SPDYE5: variants seen among roughly 807,000 people sequenced by gnomAD.
SPDYE5 encodes the protein speedy/RINGO cell cycle regulator family member E5.
A neutral mutation model predicts 48.5 loss-of-function variants in SPDYE5; 15 were observed. The observed-to-expected ratio is 0.31, with a 90% CI of 0.21 to 0.48. SPDYE5 has a LOEUF of 0.48. SPDYE5 is among the 20% of genes least tolerant of loss of function. The pLI, the probability that SPDYE5 is intolerant of heterozygous loss-of-function variation, is 0.99. For missense variants in SPDYE5, 331 were observed against 549.1 expected, an observed-to-expected ratio of 0.60 and a Z score of 3.97; for synonymous variants, 116 against 200.7, an observed-to-expected ratio of 0.58 and a Z score of 3.57.
intron 8 of SPDYE5, among the ~76,000 whole-genome samples, chr7:75,502,221 C>T (rs1793185824): frequency 6.8e-6 from 1 of 146,306 alleles, no homozygotes. Flanking sequence ...CCTGATCCTG[C>T]CACTGCACTC....
intron 4 of SPDYE5, among the ~76,000 whole-genome samples, chr7:75,497,142 C>T (rs2116608003): frequency 6.6e-6 from 1 of 152,270 alleles, no homozygotes. Flanking sequence ...TGCAGTGGCT[C>T]CTGCCTGAGA....
At position 75,501,635 on chromosome 7, in the gene SPDYE5, T is replaced by G; in HGVS notation, c.1029T>G (p.Arg343=). The G allele has an allele frequency of 6.2e-7, 1 of 1,613,712 alleles. No individual in the cohort carries two copies. Among genetic ancestry groups the G allele is most frequent in the Non-Finnish European group, 8.5e-7 (1 of 1,180,006 alleles). Residue 343 remains arginine, a synonymous_variant, in exon 7 of 9, where the codon CGT becomes CGG. Coordinates refer to ENST00000625065, the MANE Select transcript of SPDYE5 (RefSeq NM_001306141.4). ...GTAAGCGTCGGTTCCAGTTAGGCCG[T>G]TCCATGAACCTGAGGGCCAGGAAGA... is the stretch of plus-strand genomic sequence containing the variant. The part of the protein sequence containing the change: ...LLRKRRFQLG[R]SMNLRARKNR...
At chr7:75,497,166 G>T (rs1243040414) in intron 4 of SPDYE5, among the ~76,000 whole-genome samples, 1 of 152,008 alleles carries the variant, frequency 6.6e-6, no homozygotes, top group African/African-American at 2.4e-5. Flanking sequence ...CAGCATGTTG[G>T]GAGGCTGAGG....
intron 5 of SPDYE5, among the ~76,000 whole-genome samples, chr7:75,499,026 C>A (rs1374624667): frequency 1.1e-4 from 16 of 147,736 alleles, no homozygotes; most frequent in Admixed American, 2.8e-4. Flanking sequence ...GAGCATCACC[C>A]AAAACCCTTC....
rs371956988 is a variant in SPDYE5, at chr7:75,501,483, C to T, written c.877C>T (p.Arg293Cys). 1.5e-4 allele frequency: 218 copies of T among 1,494,558 alleles called. No individual in the cohort carries two copies. The highest frequency in any genetic ancestry group is 1.5e-4 in the Non-Finnish European group (172 of 1,114,096). The allele number at this position is 1,494,558 out of a possible 1,614,324, so 92.6% of individuals were successfully genotyped here. The change falls in exon 7 of 9, where the codon CGT (arginine) becomes TGT (cysteine). Residue 293 changes from arginine to cysteine, a missense_variant. Around this residue, in one of 8 missense-constraint regions of SPDYE5, gnomAD observed 70 missense variants for 87.6 expected, o/e 0.80. Transcript: ENST00000625065. ...LLRKRWFQLG[R>C]SMNPRARKKR... ...CCGTAAGCGTTGGTTCCAGTTAGGC[C>T]GTTCCATGAACCCGAGGGCCAGGAA...
Position 75,494,058 on chromosome 7 carries a change from C to T in SPDYE5, c.11C>T (p.Thr4Met), listed in dbSNP as rs1429116669. The change falls in exon 2 of 9, where the codon ACG becomes ATG. Residue 4 changes from threonine to methionine, a missense_variant. By Grantham distance (81) the Thr-to-Met change is moderately conservative (BLOSUM62 -1). Coordinates refer to ENST00000625065, the MANE Select transcript of SPDYE5 (RefSeq NM_001306141.4). MDRTETRFRKRGQI... is the reference protein window; with the variant it reads MDRMETRFRKRGQI... ...GATCAGAAGAAGGCCATGGACAGAA[C>T]GGAGACTAGGTTCCGTAAGAGGGGA... is the stretch of plus-strand genomic sequence containing the variant. 33 of 1,532,044 alleles carry T rather than the reference C, an allele frequency of 2.2e-5. No individual in the cohort carries two copies. The Middle Eastern group carries it at 6.9e-4, about 32-fold the overall frequency. The allele number at this position is 1,532,044 out of a possible 1,614,324, so 94.9% of individuals were successfully genotyped here. A position where few individuals can be genotyped will look rare whatever the true frequency, so the allele number is the denominator to read the frequency against.
In SPDYE5 at chr7:75,502,916, A is replaced by G; in HGVS notation, c.*129A>G. ...GCAGACACCAGGAAGGAGGAGAGGA[A>G]CCATTTGTGCAGATCATCTAGAAGA... On this transcript the variant is annotated 3_prime_UTR_variant, in exon 9 of 9. Coordinates refer to ENST00000625065, the MANE Select transcript of SPDYE5 (RefSeq NM_001306141.4). 4 of 903,586 alleles carry G rather than the reference A, an allele frequency of 4.4e-6. No individual in the cohort carries two copies. Among genetic ancestry groups the G allele is most frequent in the Non-Finnish European group, 4.7e-6 (3 of 636,806 alleles). The allele number at this position is 903,586 out of a possible 1,614,324, so 56.0% of individuals were successfully genotyped here.
chr7:75,502,785 C>T lies in SPDYE5; in HGVS notation c.*46-48C>T, dbSNP rs1425232860. ...CATGGGACGTGAATAACCTTCCTGT[C>T]TAGAGAGCTGCCTCCTTGAAGTGTG... On this transcript the variant is annotated intron_variant, in intron 8 of 8. Transcript: ENST00000625065. 1.8e-5 allele frequency: 18 copies of T among 1,003,720 alleles called. No homozygotes were observed. In the African/African-American group the frequency reaches 2.5e-4, roughly 14 times the overall value. The allele number at this position is 1,003,720 out of a possible 1,614,324, so 62.2% of individuals were successfully genotyped here.
chr7:75,501,823 A>T, intron 7 of SPDYE5, 55 bp from the exon 8 acceptor site: 2 of 1,611,828 alleles, frequency 1.2e-6, no homozygotes, highest in South Asian at 2.2e-5. Context: ...GGATGAGGGG[A>T]GAGAGGGGTA....
At chr7:75,498,313 G>C (rs1223467715) in intron 5 of SPDYE5, among the ~76,000 whole-genome samples, 2 of 151,766 alleles carry the variant, frequency 1.3e-5, no homozygotes, top group Non-Finnish European at 2.9e-5. Flanking sequence ...TAGTAGAAAC[G>C]GGGTTTTGCC....
intron 2 of SPDYE5, among the ~76,000 whole-genome samples, 170 bp downstream of exon 2, chr7:75,494,377 C>A (rs1412892258): frequency 6.6e-6 from 1 of 151,712 alleles, no homozygotes; most frequent in African/African-American, 2.4e-5. Context: ...GAAACCCTAT[C>A]TCTACTAAAA....
chr7:75,492,050 G>A (rs587605357), upstream of SPDYE5, among the ~76,000 whole-genome samples: 11 of 152,146 alleles, frequency 7.2e-5, no homozygotes, highest in Non-Finnish European at 1.2e-4. Context: ...CATCATTTAC[G>A]ATGGGCATGG....
chr7:75,499,661 A>G (rs374763843), intron 6 of SPDYE5, among the ~76,000 whole-genome samples: 9,064 of 147,482 alleles, frequency 0.061, 381 homozygotes, highest in Non-Finnish European at 0.09. Context: ...CAGCTACTCG[A>G]GAGGCTGAGG....
At chr7:75,493,270 C>T (rs1325968340) in intron 1 of SPDYE5, among the ~76,000 whole-genome samples, 3 of 149,042 alleles carry the variant, frequency 2.0e-5, no homozygotes, top group Admixed American at 2.0e-4. Context: ...CATGGATTCC[C>T]TGAAATTGGG....
At chr7:75,495,462 A>C in intron 3 of SPDYE5, 88 bp downstream of exon 3, 1 of 1,565,830 alleles carries the variant, frequency 6.4e-7, no homozygotes, top group Admixed American at 1.8e-5. Flanking sequence ...AATGGGAAAG[A>C]TACGCCCCCC....
rs1792928652 is a variant in SPDYE5 at position 75,496,397 on chromosome 7, A to AT, written c.380-277_380-276insT. Among the ~76,000 whole-genome samples, 508 of 41,426 alleles carry AT rather than the reference A, an allele frequency of 0.012. 7 individuals are homozygous for AT. The East Asian group carries it at 0.2, about 17-fold the overall frequency. The allele number at this position is 41,426 out of a possible 152,430, so 27.2% of individuals were successfully genotyped here. On this transcript the variant is annotated intron_variant, in intron 3 of 8. Transcript: ENST00000625065. Reference sequence around the variant, plus strand: ...GCAAGACTGTTTCTCAACAACAACAACAACAACAAAAAAAAAAAAAAAAAA... The same window carrying AT: ...GCAAGACTGTTTCTCAACAACAACAATCAACAACAAAAAAAAAAAAAAAAAA...
chr7:75,501,698 C>T lies in SPDYE5; in HGVS notation c.1092C>T (p.Phe364=), dbSNP rs199566237. The T allele has an allele frequency of 1.6e-3, 2,597 of 1,613,370 alleles. 1 individual carries two copies. The highest frequency in any genetic ancestry group is 2.1e-3 in the Non-Finnish European group (2,482 of 1,179,922). ...SQIVLFQKRR[F]QFFCSMSGRA... ...TAGTCCTGTTCCAGAAACGTCGGTT[C>T]CAGTTCTTCTGTTCCATGAGCGGCA... The change falls in exon 7 of 9, where the codon TTC becomes TTT. Residue 364 remains phenylalanine, a synonymous_variant. Transcript: ENST00000625065.
Position 75,501,531 on chromosome 7 carries a change from C to G in SPDYE5, c.925C>G (p.Leu309Val). 2 of 1,511,500 alleles carry G rather than the reference C, an allele frequency of 1.3e-6. No homozygotes were observed. The highest frequency in any genetic ancestry group is 1.8e-6 in the Non-Finnish European group (2 of 1,124,532). The allele number at this position is 1,511,500 out of a possible 1,614,324, so 93.6% of individuals were successfully genotyped here. ...GAAGAAGCGCTCTCGCATACCCTTG[C>G]TCCGTAAGCGTCGGTTCCAGTTAGG... is the stretch of plus-strand genomic sequence containing the variant. ...ARKKRSRIPLLRKRRFQLGRS... is the reference protein window; with the variant it reads ...ARKKRSRIPLVRKRRFQLGRS... Residue 309 changes from leucine to valine, a missense_variant, in exon 7 of 9, where the codon CTC becomes GTC. Coordinates refer to ENST00000625065, the MANE Select transcript of SPDYE5 (RefSeq NM_001306141.4).
chr7:75,498,902 C>T (rs1782752396), intron 5 of SPDYE5, among the ~76,000 whole-genome samples: 2 of 151,868 alleles, frequency 1.3e-5, no homozygotes, highest in South Asian at 2.1e-4. Flanking sequence ...CTCCTGGCCC[C>T]TCTACTCTCA....
Sources: gnomAD v4.1 joint callset for allele counts (sites outside exome capture counted in the v4.1 genomes callset) on GRCh38, gnomAD v4.1.1 for gene constraint, gnomAD v4.1.1 regional missense constraint, MANE v1.5 for transcripts, NCBI Gene and HGNC (gene_info 2026-07-23, HGNC 2026-07-21) for gene names.